The following IQUB variants were observed in gnomAD, a reference collection of about 807,000 sequenced individuals.
IQUB encodes the protein IQ motif and ubiquitin-like domain-containing protein.
Under a neutral mutation model 86.4 loss-of-function variants are expected in IQUB, and 86 were observed. That is an observed-to-expected ratio of 1.00 (90% CI 0.84 to 1.19). The LOEUF (loss-of-function observed/expected upper bound fraction) is 1.19. IQUB is among the 50% of genes most tolerant of loss of function. The pLI, the probability that IQUB is intolerant of heterozygous loss-of-function variation, is 0.00. For missense variants in IQUB, 946 were observed against 916.9 expected (o/e 1.03, Z -0.41); for synonymous variants, 289 against 304.5 (o/e 0.95, Z 0.53).
chr7:123,475,297 A>C (rs539721223), intron 8 of IQUB, among the ~76,000 whole-genome samples: 63 of 152,210 alleles, frequency 4.1e-4, no homozygotes, highest in African/African-American at 1.4e-3. Context: ...ATTTACAAAA[A>C]AACAAACACA....
chr7:123,508,286 A>G (rs572707807), intron 3 of IQUB, among the ~76,000 whole-genome samples: 87 of 152,348 alleles, frequency 5.7e-4, no homozygotes, highest in African/African-American at 2.0e-3. Context: ...AGCCCTGTAG[A>G]CACCTTGAAT....
chr7:123,502,532 A>G, intron 6 of IQUB, 65 bp downstream of exon 6: 3 of 1,401,200 alleles, frequency 2.1e-6, no homozygotes, highest in Non-Finnish European at 3.0e-6. Flanking sequence ...AGAAAGAGAC[A>G]CACTCGGAAC....
chr7:123,462,969 G>A (rs538938193), intron 10 of IQUB: 1 of 322,742 alleles, frequency 3.1e-6, no homozygotes, highest in Admixed American at 3.5e-5. Flanking sequence ...GGGTAGTGGT[G>A]TTCCTTCAAA....
At chr7:123,453,809 A>AAGTT (rs1242369535) in intron 12 of IQUB, among the ~76,000 whole-genome samples, 4 of 152,162 alleles carry the variant, frequency 2.6e-5, no homozygotes, top group Admixed American at 2.0e-4. Context: ...AGACAACAAA[A>AAGTT]AGTTATATTC....
intron 10 of IQUB, chr7:123,462,608 TG>T (rs1794048139): frequency 4.9e-6 from 1 of 202,752 alleles, no homozygotes; most frequent in African/African-American, 2.3e-5. Context: ...AAAAGAAGAG[TG>T]ATCTAGGTGT....
rs1489210500 is a variant in IQUB, at chr7:123,512,177, C to T, written c.164G>A (p.Ser55Asn). 2 of 1,614,034 alleles carry T rather than the reference C, an allele frequency of 1.2e-6. No homozygotes were observed. Among genetic ancestry groups the T allele is most frequent in the Admixed American group, 1.7e-5 (1 of 60,022 alleles). Residue 55 changes from serine (S) to asparagine (N), a missense_variant, in exon 2 of 13, where the codon AGC (serine) becomes AAC (asparagine). Physicochemically the swap from Ser to Asn is conservative, Grantham distance 46. Transcript: ENST00000324698. ...HESGIEQFSE[S>N]HAIHVEEQSD... ...CTGCTCCTCAACATGTATTGCATGGCTCTCACTGAATTGTTCTATTCCAGA... is the reference window on the plus strand; with the variant it reads ...CTGCTCCTCAACATGTATTGCATGGTTCTCACTGAATTGTTCTATTCCAGA...
At chr7:123,458,911 A>G (rs1793846053) in intron 11 of IQUB, among the ~76,000 whole-genome samples, 1 of 151,982 alleles carries the variant, frequency 6.6e-6, no homozygotes, top group South Asian at 2.1e-4. Context: ...CTTTTTATAT[A>G]TATTAACTTT....
rs953827640 is a variant in IQUB at position 123,469,461 on chromosome 7, G to A, written c.1411-77C>T. 4.1e-5 allele frequency: 31 copies of A among 763,984 alleles called. 2 individuals are homozygous for A. In the Admixed American group the frequency reaches 1.0e-3, roughly 25 times the overall value. 47.3% of individuals were successfully genotyped at this position (763,984 alleles called of 1,614,324 possible). On this transcript the variant is annotated intron_variant, in intron 8 of 12. Transcript: ENST00000324698. ...AACAATTTTGCTCCTTCTACTAAAA[G>A]TCTACCTTAATATCATGTGCTTTAT... is the stretch of plus-strand genomic sequence containing the variant.
intron 3 of IQUB, among the ~76,000 whole-genome samples, chr7:123,509,115 T>C (rs1796310189): frequency 6.6e-6 from 1 of 152,324 alleles, no homozygotes; most frequent in East Asian, 1.9e-4. Flanking sequence ...TGGAAACTTT[T>C]TGTGGCATCA....
intron 1 of IQUB, among the ~76,000 whole-genome samples, chr7:123,524,954 A>G (rs2117349190): frequency 6.6e-6 from 1 of 151,988 alleles, no homozygotes; most frequent in Middle Eastern, 3.4e-3. Context: ...ATCTATTGAG[A>G]TAATCATGTG....
At chr7:123,454,421 CAG>C (rs1793594248) in intron 12 of IQUB, among the ~76,000 whole-genome samples, 1 of 152,124 alleles carries the variant, frequency 6.6e-6, no homozygotes. Flanking sequence ...AACTAAGTCT[CAG>C]AGTCATTTAA....
At chr7:123,456,640 G>A (rs939392422) in intron 12 of IQUB, 6 of 152,008 alleles carry the variant, frequency 3.9e-5, no homozygotes, top group African/African-American at 1.4e-4. Context: ...ACCTTGTGTG[G>A]AATTAAAGAA....
chr7:123,500,757 C>T (rs1404055380), intron 6 of IQUB, among the ~76,000 whole-genome samples: 1 of 151,972 alleles, frequency 6.6e-6, no homozygotes, highest in Non-Finnish European at 1.5e-5. Flanking sequence ...TCCTCGTTGG[C>T]AGCATTTAGA....
chr7:123,458,369 T>A (rs895602678), intron 11 of IQUB, among the ~76,000 whole-genome samples: 5 of 151,984 alleles, frequency 3.3e-5, no homozygotes, highest in African/African-American at 1.2e-4. Context: ...GCAGAAATAT[T>A]TTCTGTAAAA....
intron 3 of IQUB, among the ~76,000 whole-genome samples, chr7:123,505,885 T>C (rs10245657): frequency 0.81 from 123,975 of 152,230 alleles, 50,532 homozygotes; most frequent in African/African-American, 0.83. Flanking sequence ...ATTTTCTAAA[T>C]TTTTATGCTC....
At chr7:123,481,254 T>C (rs1722650395) in intron 7 of IQUB, among the ~76,000 whole-genome samples, 1 of 152,092 alleles carries the variant, frequency 6.6e-6, no homozygotes, top group South Asian at 2.1e-4. Flanking sequence ...CCCACTTATG[T>C]TTTATCTTCT....
intron 3 of IQUB, 133 bp from the exon 4 acceptor site, chr7:123,503,496 T>C: frequency 1.8e-6 from 1 of 567,104 alleles, no homozygotes; most frequent in Non-Finnish European, 3.1e-6. Flanking sequence ...TATGTATACA[T>C]TGTGAAGTAG....
At chr7:123,517,921 T>C (rs1183499303) in intron 1 of IQUB, among the ~76,000 whole-genome samples, 2 of 152,078 alleles carry the variant, frequency 1.3e-5, no homozygotes, top group Non-Finnish European at 2.9e-5. Flanking sequence ...TTAAAAGCAG[T>C]CCGAAGGTAT....
intron 1 of IQUB, chr7:123,532,386 A>C (rs549072177): frequency 6.6e-6 from 1 of 152,312 alleles, no homozygotes; most frequent in South Asian, 2.1e-4. Flanking sequence ...CGGTCTGCCC[A>C]TAAATTTTGC....
Sources: allele counts gnomAD v4.1 joint callset (sites outside exome capture counted in the v4.1 genomes callset), GRCh38; gene constraint gnomAD v4.1.1; transcripts MANE v1.5; gene names NCBI Gene and HGNC (gene_info 2026-07-23, HGNC 2026-07-21).